EPRS1: variants seen among roughly 807,000 people sequenced by gnomAD.
EPRS1 encodes bifunctional glutamate/proline--tRNA ligase.
In EPRS1, 107 loss-of-function variants were observed where a neutral mutation model predicts 188.3. That is an observed-to-expected ratio of 0.57 (90% confidence interval 0.49 to 0.67). EPRS1 has a LOEUF of 0.67. Among genes scored for constraint, EPRS1 ranks in the 30% least tolerant of loss-of-function variants. The probability of loss-of-function intolerance (pLI) is 0.00; values close to 1 mark genes in which losing one functional copy is unlikely to be tolerated. For synonymous variants in EPRS1, 596 were observed against 593.1 expected, an observed-to-expected ratio of 1.00 and a Z score of -0.07; for missense variants, 1,577 against 1,802.2, an observed-to-expected ratio of 0.88 and a Z score of 2.26.
In EPRS1 at chr1:219,988,736, G is replaced by A. The variant is rs1394593805; in HGVS notation, c.2629C>T (p.Pro877Ser). Residue 877 changes from proline to serine, a missense_variant, in exon 19 of 32, where the codon CCC (proline) becomes TCC (serine). Pro to Ser is a moderately conservative substitution (Grantham distance 74). Coordinates refer to ENST00000366923, the MANE Select transcript of EPRS1 (RefSeq NM_004446.3). The stretch of plus-strand genomic sequence containing the variant: ...GAATCCGAACTTTGAGATAATGGGG[G>A]CTGACCAGGTATGTACTCCTTCCCA... The part of the protein sequence containing the change: ...KTGKEYIPGQ[P>S]PLSQSSDSSP... 6.2e-7 allele frequency: 1 copy of A among 1,613,674 alleles called. No homozygotes were observed. The highest frequency in any genetic ancestry group is 1.3e-5 in the African/African-American group (1 of 74,882).
At chr1:219,981,872 G>A (rs572906024) in intron 23 of EPRS1, among the ~76,000 whole-genome samples, 1 of 152,282 alleles carries the variant, frequency 6.6e-6, no homozygotes, top group South Asian at 2.1e-4. Context: ...TAAAGACGTG[G>A]AAAGCTGAGT....
intron 2 of EPRS1, among the ~76,000 whole-genome samples, chr1:220,035,522 C>A (rs1662161113): frequency 1.3e-5 from 2 of 152,114 alleles, no homozygotes; most frequent in Admixed American, 1.3e-4. Flanking sequence ...TTGAGAATAA[C>A]AGTGATTTAA....
At position 219,987,161 on chromosome 1, in the gene EPRS1, C is replaced by G; in HGVS notation, c.3019G>C (p.Gly1007Arg). The stretch of plus-strand genomic sequence containing the variant: ...CATTACCTGGTCTGTTTCTTAGGCC[C>G]CTGCCCTTCTCCTGCTCCACTTGAT... ...LSSSGAGEGQ[G>R]PKKQTRLGLE... is the part of the protein sequence containing the mutation. Residue 1007 changes from glycine (G) to arginine (R), a missense_variant, in exon 20 of 32, where the codon GGG (glycine) becomes CGG (arginine). Gly to Arg is a moderately radical substitution (Grantham distance 125). Coordinates refer to ENST00000366923, the MANE Select transcript of EPRS1 (RefSeq NM_004446.3). 1 of 1,612,740 alleles carries G rather than the reference C, an allele frequency of 6.2e-7. No individual in the cohort carries two copies. The highest frequency in any genetic ancestry group is 1.1e-5 in the South Asian group (1 of 90,752).
At chr1:219,988,527 G>C (rs1661055555) in intron 19 of EPRS1, 63 bp downstream of exon 19, 1 of 1,106,252 alleles carries the variant, frequency 9.0e-7, no homozygotes, top group African/African-American at 1.6e-5. Context: ...CAAAACACTT[G>C]AGGCAAAGAC....
At chr1:220,024,932 G>T in intron 7 of EPRS1, 200 bp downstream of exon 7, 1 of 546,310 alleles carries the variant, frequency 1.8e-6, no homozygotes, top group Non-Finnish European at 3.2e-6. Context: ...CTCTATAACT[G>T]GGGAAAGGAA....
chr1:220,035,069 A>G, intron 2 of EPRS1, 56 bp from the exon 3 acceptor site: 3 of 803,248 alleles, frequency 3.7e-6, no homozygotes. Context: ...TCAGTAAGTC[A>G]TGAGACTTAT....
chr1:220,028,843 T>A (rs1220080262), intron 6 of EPRS1, among the ~76,000 whole-genome samples: 1 of 152,082 alleles, frequency 6.6e-6, no homozygotes, highest in Non-Finnish European at 1.5e-5. Flanking sequence ...GAAAAAATAG[T>A]AATTAAAGAA....
Sources: allele counts gnomAD v4.1 joint callset (sites outside exome capture counted in the v4.1 genomes callset), GRCh38; gene constraint gnomAD v4.1.1; transcripts MANE v1.5; gene names NCBI Gene and HGNC (gene_info 2026-07-23, HGNC 2026-07-21).